Variants in MRE11 observed in about 807,000 individuals in gnomAD.
MRE11 encodes the protein MRE11 double strand break repair nuclease.
MRE11 carries 62 observed loss-of-function variants against 91.7 expected under a neutral mutation model. That is an observed-to-expected ratio of 0.68 (90% CI 0.55 to 0.84). The LOEUF (loss-of-function observed/expected upper bound fraction) is 0.84. Among genes scored for constraint, MRE11 ranks in the 40% least tolerant of loss-of-function variants. The probability of loss-of-function intolerance (pLI) is 0.00; values close to 1 mark genes in which losing one functional copy is unlikely to be tolerated. For synonymous variants in MRE11, 273 were observed against 271.4 expected (o/e 1.01, Z -0.06); for missense variants, 796 against 852.9 (o/e 0.93, Z 0.83).
intron 14 of MRE11, 103 bp downstream of exon 14, chr11:94,456,173 C>T (rs1357456376): frequency 1.8e-6 from 2 of 1,090,866 alleles, no homozygotes; most frequent in African/African-American, 1.6e-5. Context: ...CAGCTCACTC[C>T]TATCCCCTAG....
In MRE11 at chr11:94,432,829, A is replaced by C. The variant is rs79121091; in HGVS notation, c.1995-2843T>G. Among the ~76,000 whole-genome samples, 24 of 152,242 alleles carry C rather than the reference A, an allele frequency of 1.6e-4. No individual in the cohort carries two copies. In the East Asian group the frequency reaches 4.6e-3, roughly 29 times the overall value. ...TCAAAAAACAAAACAAAACAAAACG[A>C]AACAAAACAAAACAAAAACCCTTAT... On this transcript the variant is annotated intron_variant, in intron 18 of 19. Transcript: ENST00000323929.
the MRE11 span, chr11:94,499,571 GA>G: frequency 1.3e-5 from 2 of 151,918 alleles, no homozygotes; most frequent in African/African-American, 2.4e-5. Flanking sequence ...TACAAGTTTT[GA>G]ACAACACAAA....
At chr11:94,497,516 C>T (rs963324501), upstream of MRE11, 3 of 157,146 alleles carry the variant, frequency 1.9e-5, no homozygotes, top group Admixed American at 6.4e-5. Context: ...AAGAGCATGC[C>T]ACATTTAACC....
chr11:94,501,046 T>C, the MRE11 span, among the ~76,000 whole-genome samples: 1 of 152,228 alleles, frequency 6.6e-6, no homozygotes, highest in Admixed American at 6.5e-5. Context: ...AATTAGTTTA[T>C]CATAAGATGC....
At chr11:94,490,398 T>C (rs908259211) in intron 3 of MRE11, among the ~76,000 whole-genome samples, 18 of 152,216 alleles carry the variant, frequency 1.2e-4, no homozygotes, top group African/African-American at 4.3e-4. Flanking sequence ...CTTGCTATAA[T>C]CTAAACGTGA....
At chr11:94,466,430 C>G (rs758586170) in intron 10 of MRE11, 3 of 511,038 alleles carry the variant, frequency 5.9e-6, no homozygotes, top group East Asian at 5.7e-5. Context: ...GATAAAGAAA[C>G]GGGAACAGAT....
At chr11:94,422,009 G>T (rs1945184139) in intron 19 of MRE11, among the ~76,000 whole-genome samples, 1 of 152,104 alleles carries the variant, frequency 6.6e-6, no homozygotes, top group Admixed American at 6.5e-5. Context: ...CTACTGAACT[G>T]TACACTTAAT....
intron 10 of MRE11, among the ~76,000 whole-genome samples, chr11:94,467,564 C>A (rs1946597320): frequency 6.6e-6 from 1 of 152,068 alleles, no homozygotes; most frequent in South Asian, 2.1e-4. Flanking sequence ...AAAGATGAAG[C>A]CAGAGAGCTC....
chr11:94,442,716 T>C (rs1945817549), intron 16 of MRE11, among the ~76,000 whole-genome samples: 1 of 152,246 alleles, frequency 6.6e-6, no homozygotes, highest in South Asian at 2.1e-4. Flanking sequence ...ATCTTCAGAA[T>C]AACCCAATAC....
the MRE11 span, among the ~76,000 whole-genome samples, chr11:94,502,828 C>A: frequency 6.6e-6 from 1 of 152,118 alleles, no homozygotes; most frequent in Non-Finnish European, 1.5e-5. Context: ...CGTGCGCTAC[C>A]ATGCCCAGCT....
At chr11:94,436,451 T>C (rs571311724) in intron 17 of MRE11, among the ~76,000 whole-genome samples, 2 of 152,310 alleles carry the variant, frequency 1.3e-5, no homozygotes, top group Admixed American at 6.5e-5. Context: ...CTAACTTAAG[T>C]ACAGATGAGG....
intron 2 of MRE11, among the ~76,000 whole-genome samples, chr11:94,491,800 T>C (rs1296460890): frequency 6.6e-6 from 1 of 152,198 alleles, no homozygotes; most frequent in Non-Finnish European, 1.5e-5. Context: ...TTCAAATCTT[T>C]ACAAACAAAA....
At chr11:94,420,761 G>A (rs138654562) in intron 19 of MRE11, among the ~76,000 whole-genome samples, 5 of 151,964 alleles carry the variant, frequency 3.3e-5, no homozygotes, top group East Asian at 3.9e-4. Context: ...GGCCGGGCGC[G>A]GTGGCTCACG....
At position 94,475,204 on chromosome 11, in the gene MRE11, A is replaced by T. The variant is rs116714556; in HGVS notation, c.659+1085T>A. ...TAAAGATCGAAATATTCAGGAAAAA[A>T]ACAATAAAAAATAACAACGAAAAAT... On this transcript the variant is annotated intron_variant, in intron 7 of 19. Coordinates refer to ENST00000323929, the MANE Select transcript of MRE11 (RefSeq NM_005591.4). The T allele has an allele frequency of 5.8e-3, 901 of 154,112 alleles. 5 individuals are homozygous for T. The highest frequency in any genetic ancestry group is 0.02 in the African/African-American group (814 of 41,572). 9.5% of individuals were successfully genotyped at this position (154,112 alleles called of 1,614,324 possible). A position where few individuals can be genotyped will look rare whatever the true frequency, so the allele number is the denominator to read the frequency against.
intron 16 of MRE11, among the ~76,000 whole-genome samples, chr11:94,443,665 T>C (rs966328873): frequency 6.6e-6 from 1 of 152,156 alleles, no homozygotes; most frequent in African/African-American, 2.4e-5. Flanking sequence ...AAAACACGAA[T>C]GCGCCTCATG....
intron 16 of MRE11, among the ~76,000 whole-genome samples, chr11:94,440,136 A>G (rs956032915): frequency 2.6e-5 from 4 of 152,218 alleles, no homozygotes; most frequent in Non-Finnish European, 4.4e-5. Flanking sequence ...AGGTACCATA[A>G]TAAGATTTTT....
intron 19 of MRE11, 47 bp downstream of exon 19, chr11:94,429,864 T>C: frequency 6.7e-7 from 1 of 1,497,726 alleles, no homozygotes; most frequent in Non-Finnish European, 9.0e-7. Context: ...TATTTAAATT[T>C]TATAAAGTTA....
chr11:94,438,057 G>A (rs985858790), intron 16 of MRE11, among the ~76,000 whole-genome samples: 9 of 152,158 alleles, frequency 5.9e-5, no homozygotes, highest in Admixed American at 2.6e-4. Flanking sequence ...GAACCCAGGA[G>A]GCAGAGGTTG....
intron 4 of MRE11, among the ~76,000 whole-genome samples, chr11:94,484,950 G>A (rs965753153): frequency 2.6e-5 from 4 of 152,228 alleles, no homozygotes; most frequent in Non-Finnish European, 4.4e-5. Context: ...GGTAGCTTGC[G>A]TCTATAATCC....
Sources: allele counts gnomAD v4.1 joint callset (sites outside exome capture counted in the v4.1 genomes callset), GRCh38; gene constraint gnomAD v4.1.1; transcripts MANE v1.5; gene names NCBI Gene and HGNC (gene_info 2026-07-23, HGNC 2026-07-21).